B4GALT5: variants seen among roughly 807,000 people sequenced by gnomAD.
B4GALT5 encodes the protein beta-1,4-galactosyltransferase 5.
Under a neutral mutation model 45.0 loss-of-function variants are expected in B4GALT5, and 11 were observed. The observed-to-expected ratio is 0.24, with a 90% CI of 0.15 to 0.40. B4GALT5 has a LOEUF of 0.40. Among genes scored for constraint, B4GALT5 ranks in the 10% least tolerant of loss-of-function variants. The pLI, the probability that B4GALT5 is intolerant of heterozygous loss-of-function variation, is 1.00. For missense variants in B4GALT5, 337 were observed against 500.2 expected, an observed-to-expected ratio of 0.67 and a Z score of 3.11; for synonymous variants, 185 against 182.9, an observed-to-expected ratio of 1.01 and a Z score of -0.09.
intron 1 of B4GALT5, among the ~76,000 whole-genome samples, chr20:49,695,989 C>A (rs1342620548): frequency 6.6e-6 from 1 of 152,188 alleles, no homozygotes; most frequent in Non-Finnish European, 1.5e-5. Flanking sequence ...CTAGAGAATG[C>A]CACACAAATT....
rs2085572246 is a variant in B4GALT5, at chr20:49,640,497, A to G, written c.775T>C (p.Leu259=). 2 of 1,608,432 alleles carry G rather than the reference A, an allele frequency of 1.2e-6. No homozygotes were observed. The highest frequency in any genetic ancestry group is 1.7e-6 in the Non-Finnish European group (2 of 1,178,414). Reference sequence around the variant, plus strand: ...ACTCACAGATACATATACTTATCCAATTTGGTTGCAAAATGCCTCGGCATC... The same window carrying G: ...ACTCACAGATACATATACTTATCCAGTTTGGTTGCAAAATGCCTCGGCATC... ...GQMPRHFATK[L]DKYMYLLPYT... The change falls in exon 6 of 9, where the codon TTG becomes CTG. Residue 259 remains leucine (L), a synonymous_variant. Coordinates refer to ENST00000371711, the MANE Select transcript of B4GALT5 (RefSeq NM_004776.4).
intron 1 of B4GALT5, among the ~76,000 whole-genome samples, chr20:49,664,556 TAG>T (rs1167431824): frequency 4.0e-5 from 6 of 151,708 alleles, no homozygotes; most frequent in Non-Finnish European, 8.8e-5. Context: ...TATTCTAGAT[TAG>T]AGACATAACT....
intron 1 of B4GALT5, among the ~76,000 whole-genome samples, chr20:49,694,839 T>TACACAC (rs71339447): frequency 3.3e-4 from 50 of 149,702 alleles, no homozygotes; most frequent in East Asian, 1.4e-3. Flanking sequence ...GACAGACAGA[T>TACACAC]ACACACACAC....
intron 1 of B4GALT5, among the ~76,000 whole-genome samples, chr20:49,711,414 G>A (rs1034683477): frequency 2.0e-5 from 3 of 152,060 alleles, no homozygotes; most frequent in Admixed American, 1.3e-4. Context: ...CTATCAAAAG[G>A]GTGATTACCA....
At chr20:49,690,998 T>TA (rs1456915936) in intron 1 of B4GALT5, among the ~76,000 whole-genome samples, 2 of 152,204 alleles carry the variant, frequency 1.3e-5, no homozygotes, top group African/African-American at 4.8e-5. Context: ...ACAGATAATT[T>TA]AACGTAAATT....
rs1293404642 is a variant in B4GALT5 at position 49,685,991 on chromosome 20, G to A, written c.115+27585C>T. 3.3e-5 allele frequency among the ~76,000 whole-genome samples: 5 copies of A among 151,938 alleles called. No homozygotes were observed. In the South Asian group the frequency reaches 8.3e-4, roughly 25 times the overall value. The stretch of plus-strand genomic sequence containing the variant: ...TTCTCCTTTCTCCTGAGCTGCTGCT[G>A]TAACATCTCCTCTGACTCAGCACCT... On this transcript the variant is annotated intron_variant, in intron 1 of 8. Coordinates refer to ENST00000371711, the MANE Select transcript of B4GALT5 (RefSeq NM_004776.4).
At chr20:49,704,554 C>T (rs1736202819) in intron 1 of B4GALT5, among the ~76,000 whole-genome samples, 2 of 151,460 alleles carry the variant, frequency 1.3e-5, no homozygotes, top group African/African-American at 4.9e-5. Context: ...CCCGTCTCTA[C>T]TAAAAATACA....
At chr20:49,696,452 G>A (rs1404041150) in intron 1 of B4GALT5, among the ~76,000 whole-genome samples, 1 of 152,192 alleles carries the variant, frequency 6.6e-6, no homozygotes, top group Non-Finnish European at 1.5e-5. Flanking sequence ...GGTAAAGACA[G>A]CAGGTATGTT....
chr20:49,697,535 AG>A (rs1839692605), intron 1 of B4GALT5, among the ~76,000 whole-genome samples: 1 of 151,190 alleles, frequency 6.6e-6, no homozygotes. Context: ...ATTCCAGTGG[AG>A]CCCCGTGATT....
chr20:49,694,860 C>CT, intron 1 of B4GALT5, among the ~76,000 whole-genome samples: 1 of 138,802 alleles, frequency 7.2e-6, no homozygotes, highest in Non-Finnish European at 1.6e-5. Context: ...ACACACACAC[C>CT]CCTGAAGCAT....
intron 1 of B4GALT5, chr20:49,684,678 A>T: frequency 1.9e-6 from 1 of 517,466 alleles, no homozygotes; most frequent in Non-Finnish European, 3.9e-6. Context: ...AAATCAAGGC[A>T]TACCTGCAGA....
intron 6 of B4GALT5, 135 bp downstream of exon 6, chr20:49,640,343 G>T: frequency 1.4e-6 from 1 of 722,840 alleles, no homozygotes; most frequent in African/African-American, 1.8e-5. Flanking sequence ...TGCTCCAATT[G>T]TATGGATACA....
At chr20:49,712,981 G>A (rs2085923840) in intron 1 of B4GALT5, among the ~76,000 whole-genome samples, 3 of 151,722 alleles carry the variant, frequency 2.0e-5, no homozygotes. Context: ...GTGAGTTAGG[G>A]AGGAGGACCT....
intron 1 of B4GALT5, among the ~76,000 whole-genome samples, chr20:49,706,437 A>T (rs2085884249): frequency 6.6e-6 from 1 of 152,056 alleles, no homozygotes; most frequent in Non-Finnish European, 1.5e-5. Flanking sequence ...TTAATGACTC[A>T]ACTTGACTTA....
chr20:49,663,690 A>AAAAAAAAT (rs1555812124), intron 1 of B4GALT5, among the ~76,000 whole-genome samples: 5 of 96,962 alleles, frequency 5.2e-5, no homozygotes, highest in African/African-American at 2.2e-4. Context: ...AAAAAAAAAA[A>AAAAAAAAT]ATATATACAT....
chr20:49,636,526 T>C (rs1953444038), intron 8 of B4GALT5, 67 bp from the exon 9 acceptor site: 2 of 1,566,228 alleles, frequency 1.3e-6, no homozygotes, highest in Middle Eastern at 1.7e-4. Flanking sequence ...AGCCAGAGGA[T>C]GGAGCAGGGC....
chr20:49,637,509 C>T (rs1372720736), intron 7 of B4GALT5, 67 bp from the exon 8 acceptor site: 7 of 1,169,748 alleles, frequency 6.0e-6, no homozygotes, highest in Non-Finnish European at 9.0e-6. Flanking sequence ...CCAAAGCCTA[C>T]AAGACATGTT....
At position 49,633,103 on chromosome 20, in the gene B4GALT5, T is replaced by C. The variant is rs533343119; in HGVS notation, c.*3209A>G. On this transcript the variant is annotated 3_prime_UTR_variant, in exon 9 of 9. Transcript: ENST00000371711. ...AGATTTCAGTGCAAAAATGTACCCC[T>C]GGCACCTCTTAAAACGTAAGAGCAA... 2 of 152,776 alleles carry C rather than the reference T, an allele frequency of 1.3e-5. No individual in the cohort carries two copies. The highest frequency in any genetic ancestry group is 1.3e-4 in the Admixed American group (2 of 15,308). 9.5% of individuals were successfully genotyped at this position (152,776 alleles called of 1,614,324 possible).
At chr20:49,656,076 G>A (rs965508710) in intron 2 of B4GALT5, among the ~76,000 whole-genome samples, 3 of 152,132 alleles carry the variant, frequency 2.0e-5, no homozygotes, top group Non-Finnish European at 2.9e-5. Context: ...GTTCACAGGG[G>A]CAGATCCCTC....
Sources: allele counts gnomAD v4.1 joint callset (sites outside exome capture counted in the v4.1 genomes callset), GRCh38; gene constraint gnomAD v4.1.1; transcripts MANE v1.5; gene names NCBI Gene and HGNC (gene_info 2026-07-23, HGNC 2026-07-21).